Variants in KCTD8 observed in about 807,000 individuals in gnomAD.
KCTD8 encodes potassium channel tetramerization domain containing 8.
KCTD8 carries 27 observed loss-of-function variants against 31.5 expected under a neutral mutation model. The observed-to-expected ratio is 0.86, with a 90% CI of 0.63 to 1.18. KCTD8 has a LOEUF of 1.18. Among genes scored for constraint, KCTD8 ranks in the 50% most tolerant of loss-of-function variants. The probability of loss-of-function intolerance (pLI) is 0.00; values close to 1 mark genes in which losing one functional copy is unlikely to be tolerated. For missense variants in KCTD8, 658 were observed against 647.7 expected, an observed-to-expected ratio of 1.02 and a Z score of -0.17; for synonymous variants, 290 against 280.0, an observed-to-expected ratio of 1.04 and a Z score of -0.36.
chr4:44,216,638 T>C (rs1469140186), intron 1 of KCTD8, among the ~76,000 whole-genome samples: 1 of 152,160 alleles, frequency 6.6e-6, no homozygotes, highest in East Asian at 1.9e-4. Context: ...AAAAATGTTT[T>C]CTGTTATTGC....
intron 1 of KCTD8, among the ~76,000 whole-genome samples, chr4:44,238,093 C>A (rs1461304015): frequency 2.0e-5 from 3 of 152,138 alleles, no homozygotes; most frequent in African/African-American, 7.2e-5. Context: ...GTACCATAAT[C>A]CCCCTTACTC....
At chr4:44,376,390 G>A (rs1189039052) in intron 1 of KCTD8, among the ~76,000 whole-genome samples, 1 of 152,068 alleles carries the variant, frequency 6.6e-6, no homozygotes, top group African/African-American at 2.4e-5. Context: ...AAGGTTGTAG[G>A]GCCACCACCC....
chr4:44,231,716 T>C (rs1252014884), intron 1 of KCTD8, among the ~76,000 whole-genome samples: 1 of 152,206 alleles, frequency 6.6e-6, no homozygotes, highest in Non-Finnish European at 1.5e-5. Flanking sequence ...TTAATTGCAC[T>C]GTCCTTTTAA....
chr4:44,353,356 A>G (rs1016316168), intron 1 of KCTD8, among the ~76,000 whole-genome samples: 4 of 152,006 alleles, frequency 2.6e-5, no homozygotes, highest in Admixed American at 2.6e-4. Flanking sequence ...CAAGTATAAG[A>G]GTTGTATATA....
Position 44,174,998 on chromosome 4 carries a change from T to C in KCTD8, c.1214A>G (p.Asp405Gly). ...AAAGAGTTCACTGTTTCTGCGTTTG[T>C]CTGGTGGGGGTATCCATTGTACAGG... ...KAPVQWIPPP[D>G]KRRNSELFQT... The change falls in exon 2 of 2, where the codon GAC (aspartate) becomes GGC (glycine). Residue 405 changes from aspartate to glycine, a missense_variant. By Grantham distance (94) the Asp-to-Gly change is moderately conservative. Transcript: ENST00000360029. The C allele has an allele frequency of 6.2e-7, 1 of 1,614,156 alleles. No homozygotes were observed. The highest frequency in any genetic ancestry group is 2.2e-5 in the East Asian group (1 of 44,874).
At chr4:44,426,611 G>T (rs1418651218) in intron 1 of KCTD8, among the ~76,000 whole-genome samples, 5 of 151,548 alleles carry the variant, frequency 3.3e-5, no homozygotes, top group Non-Finnish European at 7.4e-5. Flanking sequence ...CTAGACAAAA[G>T]ATGTTATTTC....
intron 1 of KCTD8, among the ~76,000 whole-genome samples, chr4:44,414,801 T>G (rs375678226): frequency 6.6e-6 from 1 of 152,252 alleles, no homozygotes; most frequent in African/African-American, 2.4e-5. Context: ...GACATAAGGA[T>G]CACTCATACA....
intron 1 of KCTD8, among the ~76,000 whole-genome samples, chr4:44,321,204 C>A (rs998961384): frequency 6.6e-6 from 1 of 152,170 alleles, no homozygotes; most frequent in Non-Finnish European, 1.5e-5. Flanking sequence ...GTGTCTTAAA[C>A]CCTATTTTAA....
At chr4:44,301,353 G>T (rs190349016) in intron 1 of KCTD8, among the ~76,000 whole-genome samples, 4,768 of 152,016 alleles carry the variant, frequency 0.031, 241 homozygotes, top group African/African-American at 0.11. Flanking sequence ...AGTGTTCCTA[G>T]TTCTCCACAT....
chr4:44,434,713 C>A (rs1311442054), intron 1 of KCTD8, among the ~76,000 whole-genome samples: 1 of 151,820 alleles, frequency 6.6e-6, no homozygotes, highest in Non-Finnish European at 1.5e-5. Context: ...ACCTAACATA[C>A]CATCTTTCAA....
intron 1 of KCTD8, among the ~76,000 whole-genome samples, chr4:44,341,502 T>G (rs1196933635): frequency 6.6e-6 from 1 of 152,210 alleles, no homozygotes; most frequent in East Asian, 1.9e-4. Context: ...CTTTGTCAAC[T>G]AAGTTTATGG....
chr4:44,216,581 C>G (rs1714657388), intron 1 of KCTD8, among the ~76,000 whole-genome samples: 1 of 152,050 alleles, frequency 6.6e-6, no homozygotes. Context: ...GAAAACCATA[C>G]ACACAGTTCA....
At chr4:44,324,310 C>T (rs1331074351) in intron 1 of KCTD8, among the ~76,000 whole-genome samples, 1 of 151,944 alleles carries the variant, frequency 6.6e-6, no homozygotes, top group Non-Finnish European at 1.5e-5. Flanking sequence ...ATTCTGAGAT[C>T]CTCTCTTTTC....
At chr4:44,323,989 CA>C (rs929246707) in intron 1 of KCTD8, among the ~76,000 whole-genome samples, 1 of 145,928 alleles carries the variant, frequency 6.9e-6, no homozygotes, top group African/African-American at 2.6e-5. Context: ...CACATGTATA[CA>C]TATGTAACTA....
At chr4:44,400,481 C>G (rs1052041983) in intron 1 of KCTD8, among the ~76,000 whole-genome samples, 1 of 151,934 alleles carries the variant, frequency 6.6e-6, no homozygotes, top group Non-Finnish European at 1.5e-5. Flanking sequence ...GTAATCCCAA[C>G]ACTTTGGGAG....
chr4:44,396,719 T>G (rs17461100), intron 1 of KCTD8, among the ~76,000 whole-genome samples: 10,219 of 152,210 alleles, frequency 0.067, 430 homozygotes, highest in South Asian at 0.11. Flanking sequence ...GCATACTTAG[T>G]ACCTTCACCA....
intron 1 of KCTD8, among the ~76,000 whole-genome samples, chr4:44,423,333 A>C (rs1721267723): frequency 6.6e-6 from 1 of 152,140 alleles, no homozygotes; most frequent in Admixed American, 6.6e-5. Flanking sequence ...GTTTTCCTCT[A>C]TGGAAATGTT....
chr4:44,430,614 G>A (rs73179334), intron 1 of KCTD8, among the ~76,000 whole-genome samples: 52 of 151,644 alleles, frequency 3.4e-4, no homozygotes, highest in African/African-American at 1.1e-3. Context: ...TCTCCCCTTG[G>A]TGATCCTTCT....
chr4:44,218,123 CCTTTTT>C, intron 1 of KCTD8, among the ~76,000 whole-genome samples: 1 of 136,622 alleles, frequency 7.3e-6, no homozygotes, highest in African/African-American at 2.9e-5. Context: ...TTTAAAATGT[CCTTTTT>C]TTTTTTTTTT....
Sources: allele counts gnomAD v4.1 joint callset (sites outside exome capture counted in the v4.1 genomes callset), GRCh38; gene constraint gnomAD v4.1.1; transcripts MANE v1.5; gene names NCBI Gene and HGNC (gene_info 2026-07-23, HGNC 2026-07-21).